ARHGAP24: variants seen among roughly 807,000 people sequenced by gnomAD.
ARHGAP24 encodes rho GTPase-activating protein 24.
In ARHGAP24, 50 loss-of-function variants were observed where a neutral mutation model predicts 76.4. The observed-to-expected ratio is 0.65, with a 90% CI of 0.52 to 0.83. The LOEUF is 0.83. Ranked by LOEUF, ARHGAP24 falls within the 40% of genes least tolerant of loss-of-function variation. ARHGAP24 has a pLI of 0.00. For missense variants in ARHGAP24, 930 were observed against 914.2 expected (o/e 1.02, Z -0.22); for synonymous variants, 345 against 323.3 (o/e 1.07, Z -0.72).
chr4:85,675,249 T>C (rs1722941272), intron 2 of ARHGAP24, among the ~76,000 whole-genome samples: 2 of 152,118 alleles, frequency 1.3e-5, no homozygotes, highest in Admixed American at 6.5e-5. Context: ...GCTAAGACAA[T>C]ACTGTACATA....
chr4:85,783,235 A>C (rs1727645653), intron 3 of ARHGAP24, among the ~76,000 whole-genome samples: 1 of 152,052 alleles, frequency 6.6e-6, no homozygotes, highest in South Asian at 2.1e-4. Context: ...GTATTGTGGA[A>C]ATTATTTGTT....
At chr4:85,668,072 T>C (rs1351844888) in intron 2 of ARHGAP24, among the ~76,000 whole-genome samples, 1 of 152,240 alleles carries the variant, frequency 6.6e-6, no homozygotes, top group Non-Finnish European at 1.5e-5. Flanking sequence ...TGTTTGAGAT[T>C]ATCTCTTGTG....
chr4:85,997,906 C>T (rs1010507435), intron 9 of ARHGAP24, among the ~76,000 whole-genome samples: 9 of 152,152 alleles, frequency 5.9e-5, no homozygotes, highest in Admixed American at 5.9e-4. Context: ...ATCCACCCAC[C>T]TCGGCCTCCC....
chr4:85,719,380 G>C (rs1578168893), intron 2 of ARHGAP24, among the ~76,000 whole-genome samples: 2 of 152,270 alleles, frequency 1.3e-5, no homozygotes, highest in South Asian at 4.1e-4. Context: ...TAAGGCATGG[G>C]GGGAGAGGAA....
chr4:85,479,724 A>T (rs1213909337), intron 1 of ARHGAP24, among the ~76,000 whole-genome samples: 2 of 152,146 alleles, frequency 1.3e-5, no homozygotes, highest in Non-Finnish European at 2.9e-5. Flanking sequence ...TTTCTTCCTG[A>T]AAAAAATTCT....
intron 3 of ARHGAP24, among the ~76,000 whole-genome samples, chr4:85,862,635 T>C (rs1387504780): frequency 3.9e-5 from 6 of 152,118 alleles, no homozygotes; most frequent in Non-Finnish European, 8.8e-5. Flanking sequence ...TCCCTTGATA[T>C]GCAGATTCAG....
At chr4:85,806,003 CTTAT>C (rs779056470) in intron 3 of ARHGAP24, among the ~76,000 whole-genome samples, 20 of 152,184 alleles carry the variant, frequency 1.3e-4, no homozygotes, top group Non-Finnish European at 2.5e-4. Flanking sequence ...TTCAGACATA[CTTAT>C]TTGTCTCTCT....
rs1741005914 is a variant in ARHGAP24, at chr4:86,001,319, T to C, written c.*597T>C. The C allele has an allele frequency of 2.5e-6, 1 of 398,954 alleles. No homozygotes were observed. The highest frequency in any genetic ancestry group is 4.4e-6 in the Non-Finnish European group (1 of 226,050). 24.7% of individuals were successfully genotyped at this position (398,954 alleles called of 1,614,324 possible). On this transcript the variant is annotated 3_prime_UTR_variant, in exon 10 of 10. Coordinates refer to ENST00000395184, the MANE Select transcript of ARHGAP24 (RefSeq NM_001025616.3). ...AAATACAGTCGAATCACCAGGAACC[T>C]TTGAGCTGCTTTTAAAATTCTTCCC...
At chr4:85,891,326 C>T (rs1401710171) in intron 3 of ARHGAP24, among the ~76,000 whole-genome samples, 1 of 145,708 alleles carries the variant, frequency 6.9e-6, no homozygotes, top group East Asian at 2.1e-4. Context: ...TTGACTTCCT[C>T]TTTTCCTAAT....
intron 8 of ARHGAP24, among the ~76,000 whole-genome samples, chr4:85,993,750 T>C (rs947034311): frequency 5.9e-5 from 9 of 152,204 alleles, no homozygotes; most frequent in Admixed American, 1.3e-4. Flanking sequence ...GTTTTCTTTG[T>C]GATTTTGGGC....
At chr4:85,629,337 T>G (rs1721081689) in intron 2 of ARHGAP24, among the ~76,000 whole-genome samples, 1 of 152,226 alleles carries the variant, frequency 6.6e-6, no homozygotes, top group African/African-American at 2.4e-5. Flanking sequence ...GTAGCTATAC[T>G]TAATACTTTT....
intron 3 of ARHGAP24, among the ~76,000 whole-genome samples, chr4:85,858,634 T>A (rs866866159): frequency 6.6e-6 from 1 of 152,254 alleles, no homozygotes; most frequent in South Asian, 2.1e-4. Context: ...CATTTAATGC[T>A]GGCAAGTTGG....
At chr4:85,533,110 T>C (rs568524833) in intron 1 of ARHGAP24, among the ~76,000 whole-genome samples, 17 of 152,260 alleles carry the variant, frequency 1.1e-4, no homozygotes, top group Admixed American at 4.6e-4. Context: ...ATAAAATATA[T>C]AGTGGGAATA....
intron 1 of ARHGAP24, among the ~76,000 whole-genome samples, chr4:85,523,839 A>G (rs905781811): frequency 1.3e-5 from 2 of 151,390 alleles, no homozygotes; most frequent in Non-Finnish European, 2.9e-5. Flanking sequence ...AAAAAAAAAA[A>G]GGCAAAATAT....
At chr4:85,636,922 C>A (rs1721329126) in intron 2 of ARHGAP24, among the ~76,000 whole-genome samples, 1 of 152,014 alleles carries the variant, frequency 6.6e-6, no homozygotes, top group African/African-American at 2.4e-5. Context: ...TATCTATAGA[C>A]ATGACAAGCA....
intron 1 of ARHGAP24, among the ~76,000 whole-genome samples, chr4:85,522,909 C>T (rs7671915): frequency 0.88 from 133,640 of 152,030 alleles, 61,185 homozygotes; most frequent in East Asian, 1. Flanking sequence ...TTTGACTTTT[C>T]TTTTGCCTTT....
intron 1 of ARHGAP24, among the ~76,000 whole-genome samples, chr4:85,485,376 A>AATATATATATATATATATAT (rs56176066): frequency 2.2e-5 from 1 of 45,060 alleles, no homozygotes; most frequent in Non-Finnish European, 3.7e-5. Context: ...AAAAAAAAAA[A>AATATATATATATATATATAT]ATATATATAT....
At chr4:85,946,501 T>C (rs542369422) in intron 5 of ARHGAP24, among the ~76,000 whole-genome samples, 3 of 152,290 alleles carry the variant, frequency 2.0e-5, no homozygotes, top group East Asian at 3.9e-4. Flanking sequence ...CTCTCTTGTA[T>C]GCCCAGTATC....
chr4:85,739,439 G>A (rs1725734922), intron 3 of ARHGAP24, among the ~76,000 whole-genome samples: 1 of 152,044 alleles, frequency 6.6e-6, no homozygotes, highest in Non-Finnish European at 1.5e-5. Flanking sequence ...TCTGTCTCCT[G>A]TTTCTTCTCA....
Sources: gnomAD v4.1 joint callset for allele counts (sites outside exome capture counted in the v4.1 genomes callset) on GRCh38, gnomAD v4.1.1 for gene constraint, MANE v1.5 for transcripts, NCBI Gene and HGNC (gene_info 2026-07-23, HGNC 2026-07-21) for gene names.